Variants in TBXAS1 observed in about 807,000 individuals in gnomAD.
TBXAS1 encodes the protein thromboxane-A synthase.
In TBXAS1, 48 loss-of-function variants were observed where a neutral mutation model predicts 60.7. The ratio of observed to expected loss-of-function variants is 0.79; its 90% CI spans 0.63 to 1.01. The LOEUF is 1.01. Ranked by LOEUF, TBXAS1 falls within the 50% of genes least tolerant of loss-of-function variation. The pLI is 0.00. For synonymous variants in TBXAS1, 287 were observed against 269.7 expected (o/e 1.06, Z -0.63); for missense variants, 685 against 686.3 (o/e 1.00, Z 0.02).
chr7:139,961,453 C>T (rs1810332032), intron 8 of TBXAS1, among the ~76,000 whole-genome samples: 1 of 152,220 alleles, frequency 6.6e-6, no homozygotes, highest in Admixed American at 6.5e-5. Flanking sequence ...AGCCCCCCTC[C>T]TGGTTTTCCC....
intron 4 of TBXAS1, among the ~76,000 whole-genome samples, chr7:139,915,087 G>C (rs1805866093): frequency 6.6e-6 from 1 of 152,140 alleles, no homozygotes; most frequent in African/African-American, 2.4e-5. Flanking sequence ...TTTTCCATCT[G>C]GGAATGCATC....
intron 1 of TBXAS1, among the ~76,000 whole-genome samples, chr7:139,839,406 A>G (rs1799275842): frequency 6.6e-6 from 1 of 152,190 alleles, no homozygotes; most frequent in Non-Finnish European, 1.5e-5. Context: ...TTGGAGTAAC[A>G]GGGCTGATGA....
chr7:139,920,124 G>A (rs1806337649), intron 4 of TBXAS1, among the ~76,000 whole-genome samples: 1 of 152,202 alleles, frequency 6.6e-6, no homozygotes, highest in South Asian at 2.1e-4. Context: ...GGCCAGGGAG[G>A]GTCAGAGACT....
intron 3 of TBXAS1, among the ~76,000 whole-genome samples, chr7:139,882,197 G>T (rs1341080842): frequency 6.6e-6 from 1 of 152,188 alleles, no homozygotes. Context: ...TACCATCATG[G>T]ATCAAGAACA....
intron 9 of TBXAS1, among the ~76,000 whole-genome samples, chr7:139,992,902 GGCTCACGCCTATAATACCA>G (rs1195611298): frequency 2.6e-5 from 4 of 152,198 alleles, no homozygotes; most frequent in Non-Finnish European, 4.4e-5. Context: ...CTGGTGCAGT[GGCTCACGCCTATAATACCA>G]GCACTTTGGG....
At chr7:139,990,896 A>C (rs1450451661) in intron 9 of TBXAS1, among the ~76,000 whole-genome samples, 1 of 152,134 alleles carries the variant, frequency 6.6e-6, no homozygotes, top group Non-Finnish European at 1.5e-5. Context: ...CCCCACCTTC[A>C]GGCTAACCCC....
rs539965733 is a variant in TBXAS1, at chr7:139,852,721, A to G, written c.90-19514A>G. On this transcript the variant is annotated intron_variant, in intron 1 of 12. Transcript: ENST00000448866. The surrounding 1 kb of genome is among the most constrained non-coding windows in gnomAD (Gnocchi z 4.4). ...GCTCTTTAAACTGTCTGCCAAGCTC[A>G]AAGGCAAAATTGGTATTTCCCAGGC... Among the ~76,000 whole-genome samples the G allele has an allele frequency of 6.6e-6, 1 of 152,300 alleles. No homozygotes were observed. The highest frequency in any genetic ancestry group is 2.4e-5 in the African/African-American group (1 of 41,568).
intron 1 of TBXAS1, among the ~76,000 whole-genome samples, chr7:139,854,859 C>G (rs1800474614): frequency 6.6e-6 from 1 of 152,196 alleles, no homozygotes; most frequent in African/African-American, 2.4e-5. Context: ...AGGATAAGCT[C>G]TCTGGAGGCT....
intron 9 of TBXAS1, among the ~76,000 whole-genome samples, chr7:139,963,414 C>A (rs1474889290): frequency 6.6e-6 from 1 of 152,236 alleles, no homozygotes; most frequent in African/African-American, 2.4e-5. Flanking sequence ...TTAAGCATGT[C>A]TCCTATTTCA....
chr7:139,911,814 C>T (rs913148632), intron 4 of TBXAS1, among the ~76,000 whole-genome samples: 3 of 152,174 alleles, frequency 2.0e-5, no homozygotes, highest in Non-Finnish European at 4.4e-5. Flanking sequence ...TAAGAGGGCT[C>T]CTTTACATTA....
intron 4 of TBXAS1, among the ~76,000 whole-genome samples, chr7:139,823,524 T>C (rs527803766): frequency 6.6e-6 from 1 of 152,132 alleles, no homozygotes; most frequent in South Asian, 2.1e-4. Flanking sequence ...CTAATATCTT[T>C]TGTAAGGAGG....
At chr7:139,798,468 C>T (rs757293877) in intron 4 of TBXAS1, among the ~76,000 whole-genome samples, 3 of 152,104 alleles carry the variant, frequency 2.0e-5, no homozygotes, top group Non-Finnish European at 4.4e-5. Flanking sequence ...ACAAGGTACA[C>T]GTGGAAGCGA....
chr7:139,997,034 A>T (rs1813347713), intron 9 of TBXAS1, among the ~76,000 whole-genome samples: 1 of 152,212 alleles, frequency 6.6e-6, no homozygotes, highest in Admixed American at 6.5e-5. Context: ...CATTTTCAGT[A>T]TGTTATCTTG....
intron 1 of TBXAS1, among the ~76,000 whole-genome samples, chr7:139,864,354 C>A (rs1202704851): frequency 6.6e-6 from 1 of 151,090 alleles, no homozygotes; most frequent in African/African-American, 2.4e-5. Context: ...TACTGAAGGA[C>A]AGAGAAAATA....
At chr7:139,881,729 T>C (rs1802714916) in intron 3 of TBXAS1, among the ~76,000 whole-genome samples, 1 of 151,818 alleles carries the variant, frequency 6.6e-6, no homozygotes, top group South Asian at 2.1e-4. Context: ...TTAGGTCCCA[T>C]ACTGAAAAAA....
chr7:139,958,341 A>G (rs1810043449), intron 8 of TBXAS1, among the ~76,000 whole-genome samples: 1 of 152,212 alleles, frequency 6.6e-6, no homozygotes, highest in Admixed American at 6.5e-5. Flanking sequence ...GATTTGCACT[A>G]TGCTTGGCAC....
Position 140,013,318 on chromosome 7 carries a change from G to A in TBXAS1, c.1227-2405G>A, listed in dbSNP as rs1455799062. Among the ~76,000 whole-genome samples, 1 of 152,192 alleles carries A rather than the reference G, an allele frequency of 6.6e-6. No homozygotes were observed. The highest frequency in any genetic ancestry group is 2.4e-5 in the African/African-American group (1 of 41,438). ...AGTGAAGCTGTTTCTTGGTTCAGAG[G>A]TTTATCTTCCTCGGCAAGAATTTTC... On this transcript the variant is annotated intron_variant, in intron 10 of 12. Coordinates refer to ENST00000448866, the MANE Select transcript of TBXAS1 (RefSeq NM_001061.7). The surrounding 1 kb of genome is among the most constrained non-coding windows in gnomAD (Gnocchi z 4.2).
intron 3 of TBXAS1, among the ~76,000 whole-genome samples, chr7:139,880,401 C>T (rs1444879737): frequency 1.3e-5 from 2 of 152,154 alleles, no homozygotes; most frequent in African/African-American, 2.4e-5. Flanking sequence ...GTTGCATAAC[C>T]TCATATACTC....
chr7:139,922,789 T>C (rs183966490), intron 4 of TBXAS1, among the ~76,000 whole-genome samples: 37 of 152,330 alleles, frequency 2.4e-4, no homozygotes, highest in African/African-American at 8.9e-4. Context: ...CAGTTAACTT[T>C]TGTGTATAGA....
Sources: gnomAD v4.1 joint callset for allele counts (sites outside exome capture counted in the v4.1 genomes callset) on GRCh38, gnomAD v4.1.1 for gene constraint, Gnocchi (gnomAD v3.1) non-coding constraint, MANE v1.5 for transcripts, NCBI Gene and HGNC (gene_info 2026-07-23, HGNC 2026-07-21) for gene names.